The following GABRA6 variants were observed in gnomAD, a reference collection of about 807,000 sequenced individuals.
The protein encoded by GABRA6 is gamma-aminobutyric acid type A receptor subunit alpha6.
In GABRA6, 45 loss-of-function variants were observed where a neutral mutation model predicts 47.3. The ratio of observed to expected loss-of-function variants is 0.95; its 90% CI spans 0.75 to 1.22. The LOEUF is 1.22. Among genes scored for constraint, GABRA6 ranks in the 50% most tolerant of loss-of-function variants. GABRA6 has a pLI of 0.00. For synonymous variants in GABRA6, 219 were observed against 194.7 expected (o/e 1.12, Z -1.04); for missense variants, 583 against 549.3 (o/e 1.06, Z -0.61).
At position 161,690,240 on chromosome 5, in the gene GABRA6, G is replaced by C. The variant is rs1370233765; in HGVS notation, c.713G>C (p.Arg238Thr). The C allele has an allele frequency of 3.1e-6, 5 of 1,613,728 alleles. No individual in the cohort carries two copies. In the Admixed American group the frequency reaches 8.3e-5, roughly 27 times the overall value. Residue 238 changes from arginine (R) to threonine (T), a missense_variant, in exon 7 of 9, where the codon AGG becomes ACG. Arg to Thr is a moderately conservative substitution (Grantham distance 71, BLOSUM62 -1). Coordinates refer to ENST00000274545, the MANE Select transcript of GABRA6 (RefSeq NM_000811.3). ...VIMTVYFHLQ[R>T]KMGYFMIQIY... is the part of the protein sequence containing the mutation. The stretch of plus-strand genomic sequence containing the variant: ...ATGACAGTTTACTTCCACTTGCAAA[G>C]GAAGATGGGCTACTTCATGATACAG...
intron 8 of GABRA6, among the ~76,000 whole-genome samples, chr5:161,692,526 A>T (rs1754811343): frequency 6.6e-6 from 1 of 152,206 alleles, no homozygotes; most frequent in Admixed American, 6.5e-5. Context: ...GTAGGGGCAA[A>T]AAAGTTAAAA....
chr5:161,691,922 C>T lies in GABRA6; in HGVS notation c.827-19C>T. The T allele has an allele frequency of 6.2e-7, 1 of 1,609,792 alleles. No individual in the cohort carries two copies. Among genetic ancestry groups the T allele is most frequent in the South Asian group, 1.1e-5 (1 of 90,980 alleles). Reference sequence around the variant, plus strand: ...ATTCCCAGTACTAATATTACAATTCCTATTCTTTTTTATTTTAGGGATCAC... The same window carrying T: ...ATTCCCAGTACTAATATTACAATTCTTATTCTTTTTTATTTTAGGGATCAC... On this transcript the variant is annotated intron_variant, in intron 7 of 8. Coordinates refer to ENST00000274545, the MANE Select transcript of GABRA6 (RefSeq NM_000811.3).
At chr5:161,698,292 A>C (rs1754918265) in intron 8 of GABRA6, among the ~76,000 whole-genome samples, 1 of 152,164 alleles carries the variant, frequency 6.6e-6, no homozygotes, top group African/African-American at 2.4e-5. Flanking sequence ...GAATATCTAC[A>C]AGAGTCATAA....
chr5:161,694,406 C>A (rs1754853348), intron 8 of GABRA6, among the ~76,000 whole-genome samples: 1 of 151,554 alleles, frequency 6.6e-6, no homozygotes, highest in African/African-American at 2.4e-5. Context: ...CAATTTTTTG[C>A]TTTACCTTTT....
Position 161,701,518 on chromosome 5 carries a change from T to C in GABRA6, c.1107T>C (p.His369=), listed in dbSNP as rs151184876. The C allele has an allele frequency of 1.6e-5, 26 of 1,614,096 alleles. No individual in the cohort carries two copies. The African/African-American group carries it at 1.9e-4, about 12-fold the overall frequency. The change falls in exon 9 of 9, where the codon CAT becomes CAC. Residue 369 remains histidine (H), a synonymous_variant. Transcript: ENST00000274545. ...EIVLHPDSKY[H]LKKRITSLSL... is the part of the protein sequence containing the mutation. The stretch of plus-strand genomic sequence containing the variant: ...CACAGCATCCTGACTCCAAATATCA[T>C]CTGAAGAAAAGGATCACTTCTCTGT...
chr5:161,687,287 CCTTT>C, intron 3 of GABRA6: 1 of 446,802 alleles, frequency 2.2e-6, no homozygotes, highest in Non-Finnish European at 4.1e-6. Flanking sequence ...GAGATTTTCC[CCTTT>C]CTTTGTGAAG....
In GABRA6 at chr5:161,689,704, G is replaced by C. The variant is rs769441572; in HGVS notation, c.598G>C (p.Glu200Gln). 1.6e-5 allele frequency: 26 copies of C among 1,611,358 alleles called. No homozygotes were observed. In the South Asian group the frequency reaches 2.9e-4, roughly 18 times the overall value. ...KGPLYSVEVP[E>Q]ESSSLLQYDL... ...ACCACTTTACTCAGTAGAAGTCCCA[G>C]AAGAATCTTCAAGCCTTCTCCAGTA... The change falls in exon 6 of 9, where the codon GAA becomes CAA. Residue 200 changes from glutamate (E) to glutamine (Q), a missense_variant. Transcript: ENST00000274545.
chr5:161,688,590 TA>T (rs1386836045), intron 3 of GABRA6, among the ~76,000 whole-genome samples: 2 of 152,164 alleles, frequency 1.3e-5, no homozygotes, highest in African/African-American at 4.8e-5. Context: ...TAACCGATGG[TA>T]TAAAGGCCAG....
intron 8 of GABRA6, among the ~76,000 whole-genome samples, chr5:161,695,544 A>T (rs1754872278): frequency 6.6e-6 from 1 of 152,076 alleles, no homozygotes; most frequent in South Asian, 2.1e-4. Context: ...GTGTAAGACC[A>T]ACTTTGGTCC....
chr5:161,692,752 A>T (rs1409697794), intron 8 of GABRA6, among the ~76,000 whole-genome samples: 1 of 152,220 alleles, frequency 6.6e-6, no homozygotes, highest in African/African-American at 2.4e-5. Flanking sequence ...TATTAAATAT[A>T]TGTATATCAA....
At position 161,690,344 on chromosome 5, in the gene GABRA6, AC is replaced by A; in HGVS notation, c.818del (p.Thr273MetfsTer9). 1 of 1,613,410 alleles carries A rather than the reference AC, an allele frequency of 6.2e-7. No individual in the cohort carries two copies. ...TAATAAGGAGTCCGTCCCAGCAAGAACTGTTTTTGGTATATGTCACATTTTG... is the reference window on the plus strand; with the variant it reads ...TAATAAGGAGTCCGTCCCAGCAAGAATGTTTTTGGTATATGTCACATTTTG... The part of the protein sequence containing the change: ...WINKESVPAR[T>X]VFGITTVLTM... On this transcript the variant is annotated frameshift_variant, in exon 7 of 9. Coordinates refer to ENST00000274545, the MANE Select transcript of GABRA6 (RefSeq NM_000811.3). LOFTEE classifies it high-confidence loss of function.
Position 161,689,710 on chromosome 5 carries a change from T to C in GABRA6, c.604T>C (p.Ser202Pro). 6.2e-7 allele frequency: 1 copy of C among 1,611,422 alleles called. No homozygotes were observed. Among genetic ancestry groups the C allele is most frequent in the South Asian group, 1.1e-5 (1 of 91,018 alleles). Residue 202 changes from serine to proline, a missense_variant, in exon 6 of 9, where the codon TCT becomes CCT. Physicochemically the swap from Ser to Pro is moderately conservative, Grantham distance 74. Coordinates refer to ENST00000274545, the MANE Select transcript of GABRA6 (RefSeq NM_000811.3). ...TTACTCAGTAGAAGTCCCAGAAGAA[T>C]CTTCAAGCCTTCTCCAGTATGATCT... Reference protein sequence around the residue: ...PLYSVEVPEESSSLLQYDLIG... With the variant: ...PLYSVEVPEEPSSLLQYDLIG...
rs535712701 is a variant in GABRA6, at chr5:161,690,133, T to C, written c.674-68T>C. The C allele has an allele frequency of 1.6e-5, 23 of 1,437,874 alleles. No homozygotes were observed. In the East Asian group the frequency reaches 5.2e-4, roughly 33 times the overall value. 89.1% of individuals were successfully genotyped at this position (1,437,874 alleles called of 1,614,324 possible). A position where few individuals can be genotyped will look rare whatever the true frequency, so the allele number is the denominator to read the frequency against. On this transcript the variant is annotated intron_variant, in intron 6 of 8. Coordinates refer to ENST00000274545, the MANE Select transcript of GABRA6 (RefSeq NM_000811.3). ...TGTTAATTTAAAAGTTGTCAAGATT[T>C]ATATTCAACTGCATTCTTTTTGCAG...
chr5:161,686,162 A>G (rs1754686788), intron 1 of GABRA6, 68 bp from the exon 2 acceptor site: 1 of 1,397,336 alleles, frequency 7.2e-7, no homozygotes, highest in Non-Finnish European at 1.0e-6. Context: ...ACAGGGTGGA[A>G]TAGAGTAGAT....
At chr5:161,694,475 C>G (rs751385008) in intron 8 of GABRA6, among the ~76,000 whole-genome samples, 47 of 151,928 alleles carry the variant, frequency 3.1e-4, no homozygotes, top group Non-Finnish European at 8.8e-5. Context: ...AACGTAATCA[C>G]CCCCTCAGGC....
chr5:161,702,099 A>G lies in GABRA6; in HGVS notation c.*326A>G. The G allele has an allele frequency of 3.3e-6, 1 of 301,386 alleles. No homozygotes were observed. The highest frequency in any genetic ancestry group is 6.3e-6 in the Non-Finnish European group (1 of 158,716). The allele number at this position is 301,386 out of a possible 1,614,324, so 18.7% of individuals were successfully genotyped here. ...ATTGTCACTGTAAATAACATTTACC[A>G]CAAGGCAGATAAAATAAGAAATGCT... On this transcript the variant is annotated 3_prime_UTR_variant, in exon 9 of 9. Transcript: ENST00000274545.
In GABRA6 at chr5:161,701,864, T is replaced by C. The variant is rs1754987574; in HGVS notation, c.*91T>C. The C allele has an allele frequency of 1.5e-6, 2 of 1,332,400 alleles. No homozygotes were observed. The highest frequency in any genetic ancestry group is 3.4e-5 in the Admixed American group (2 of 58,310). 82.5% of individuals were successfully genotyped at this position (1,332,400 alleles called of 1,614,324 possible). ...ATAGCATTGAGACTTGTGTAGATGC[T>C]TCTCAGAACATGAAATCAAATTGGA... is the stretch of plus-strand genomic sequence containing the variant. On this transcript the variant is annotated 3_prime_UTR_variant, in exon 9 of 9. Transcript: ENST00000274545.
intron 7 of GABRA6, 53 bp from the exon 8 acceptor site, chr5:161,691,888 T>G: frequency 6.5e-7 from 1 of 1,530,152 alleles, no homozygotes; most frequent in Non-Finnish European, 9.0e-7. Flanking sequence ...CATTTGATTT[T>G]GCCATAGGAT....
At chr5:161,693,657 T>TA (rs11361517) in intron 8 of GABRA6, among the ~76,000 whole-genome samples, 82,814 of 150,274 alleles carry the variant, frequency 0.55, 23,481 homozygotes, top group Non-Finnish European at 0.64. Flanking sequence ...TCTGCAAAAA[T>TA]AAAAAAAAAA....
Sources: allele counts gnomAD v4.1 joint callset (sites outside exome capture counted in the v4.1 genomes callset), GRCh38; gene constraint gnomAD v4.1.1; transcripts MANE v1.5; gene names NCBI Gene and HGNC (gene_info 2026-07-23, HGNC 2026-07-21).